Variants in NAV1 observed in about 807,000 individuals in gnomAD.
NAV1 encodes pore membrane and/or filament interacting like protein 3.
Under a neutral mutation model 175.2 loss-of-function variants are expected in NAV1, and 18 were observed. The ratio of observed to expected loss-of-function variants is 0.10; its 90% CI spans 0.07 to 0.15. NAV1 has a LOEUF of 0.15. NAV1 is among the 10% of genes least tolerant of loss of function. The probability of loss-of-function intolerance (pLI) is 1.00; values close to 1 mark genes in which losing one functional copy is unlikely to be tolerated. For missense variants in NAV1, 1,731 were observed against 2,436.6 expected, an observed-to-expected ratio of 0.71 and a Z score of 6.10; for synonymous variants, 897 against 978.7, an observed-to-expected ratio of 0.92 and a Z score of 1.56.
At chr1:201,612,486 A>G (rs1187219559) in intron 2 of NAV1, among the ~76,000 whole-genome samples, 2 of 152,142 alleles carry the variant, frequency 1.3e-5, no homozygotes, top group Non-Finnish European at 2.9e-5. Flanking sequence ...GAAACGTCAG[A>G]AATTTATTGC....
chr1:201,775,591 G>A (rs564359026), intron 3 of NAV1, among the ~76,000 whole-genome samples: 2 of 152,292 alleles, frequency 1.3e-5, no homozygotes, highest in East Asian at 3.9e-4. Context: ...AGTCCCGCCA[G>A]TACAAACAGA....
chr1:201,557,568 A>T (rs1666065742), intron 1 of NAV1, among the ~76,000 whole-genome samples: 1 of 151,862 alleles, frequency 6.6e-6, no homozygotes, highest in Non-Finnish European at 1.5e-5. Flanking sequence ...CTTAACTACC[A>T]CCTCCAAATT....
chr1:201,741,620 A>G (rs1207882478), intron 3 of NAV1, among the ~76,000 whole-genome samples: 2 of 152,194 alleles, frequency 1.3e-5, no homozygotes, highest in African/African-American at 4.8e-5. Context: ...TGCCACCCAA[A>G]CAATATTTGC....
rs114072109 is a variant in NAV1, at chr1:201,568,400, G to A, written c.-143-20139G>A. Among the ~76,000 whole-genome samples the A allele has an allele frequency of 5.4e-3, 825 of 152,250 alleles. 7 individuals carry two copies. The highest frequency in any genetic ancestry group is 0.019 in the African/African-American group (792 of 41,546). ...GCACTCCATTGCCACTGCCATCACC[G>A]CTTCCCGGGGCTGCGTCCTGAATTC... On this transcript the variant is annotated intron_variant, in intron 1 of 33. Transcript: ENST00000685211.
intron 2 of NAV1, among the ~76,000 whole-genome samples, chr1:201,609,087 G>A (rs1334784897): frequency 6.6e-6 from 1 of 152,238 alleles, no homozygotes; most frequent in Non-Finnish European, 1.5e-5. Context: ...AGTAACTCGG[G>A]AAGATGCTTA....
intron 3 of NAV1, among the ~76,000 whole-genome samples, chr1:201,754,074 C>T (rs900681293): frequency 6.6e-6 from 1 of 152,178 alleles, no homozygotes; most frequent in African/African-American, 2.4e-5. Flanking sequence ...TTTCCTGCCA[C>T]AGACCCTAAG....
At chr1:201,725,207 C>G (rs1297235939) in intron 3 of NAV1, among the ~76,000 whole-genome samples, 1 of 152,160 alleles carries the variant, frequency 6.6e-6, no homozygotes, top group African/African-American at 2.4e-5. Flanking sequence ...GAGAAGAGAC[C>G]CCTTTTGAAT....
At chr1:201,785,285 T>C (rs781705654) in intron 7 of NAV1, 25 bp from the exon 12 acceptor site, 2,838 of 473,042 alleles carry the variant, frequency 6.0e-3, no homozygotes, top group South Asian at 7.7e-3. Context: ...TCTCTCTCTT[T>C]TTTTTTTTTT....
At chr1:201,691,047 C>T (rs887829901) in intron 1 of NAV1, among the ~76,000 whole-genome samples, 3 of 152,180 alleles carry the variant, frequency 2.0e-5, no homozygotes, top group Non-Finnish European at 2.9e-5. Context: ...TTAATGTTAA[C>T]GGTTCAGCAC....
In NAV1 at chr1:201,810,599, C is replaced by T. The variant is rs1259653025; in HGVS notation, c.4638C>T (p.Ser1546=). 4.3e-6 allele frequency: 7 copies of T among 1,614,096 alleles called. No individual in the cohort carries two copies. Among genetic ancestry groups the T allele is most frequent in the Admixed American group, 3.3e-5 (2 of 60,016 alleles). The change falls in exon 24 of 30, where the codon AGC becomes AGT. Residue 1546 remains serine, a synonymous_variant. Transcript: ENST00000367296. This position sits in a 1 kb window ranked among gnomAD's most constrained non-coding sequence, Gnocchi z 6.0. Reference sequence around the variant, plus strand: ...AGCCGATGATGCAGCACTACATAAGCCTCCTGCTGAAGCACCGGCGCCTCG... The same window carrying T: ...AGCCGATGATGCAGCACTACATAAGTCTCCTGCTGAAGCACCGGCGCCTCG...
chr1:201,808,461 A>G lies in NAV1; in HGVS notation c.3889A>G (p.Asn1297Asp). 1 of 1,614,144 alleles carries G rather than the reference A, an allele frequency of 6.2e-7. No homozygotes were observed. Among genetic ancestry groups the G allele is most frequent in the Non-Finnish European group, 8.5e-7 (1 of 1,179,992 alleles). Residue 1297 changes from asparagine (N) to aspartate (D), a missense_variant, in exon 19 of 30, where the codon AAT becomes GAT. By Grantham distance (23) the Asn-to-Asp change is conservative. This residue lies in a region of NAV1 where 146 missense variants were observed against 176.8 expected (regional missense o/e 0.83). Coordinates refer to ENST00000367296, the Ensembl canonical transcript of NAV1. This position sits in a 1 kb window ranked among gnomAD's most constrained non-coding sequence, Gnocchi z 5.5. ...CCCCCACACTAGGCTGTTCCATGCA[A>G]ATGAGGAGGAGGAGCCAGAGAAGAA...
chr1:201,606,729 C>T (rs1190001200), intron 2 of NAV1, among the ~76,000 whole-genome samples: 1 of 152,208 alleles, frequency 6.6e-6, no homozygotes, highest in Non-Finnish European at 1.5e-5. Context: ...CCCACACACA[C>T]ATTTTCTCCA....
At chr1:201,634,946 C>T (rs1668574587) in intron 2 of NAV1, among the ~76,000 whole-genome samples, 1 of 152,204 alleles carries the variant, frequency 6.6e-6, no homozygotes, top group African/African-American at 2.4e-5. Flanking sequence ...CCCAGCTTCC[C>T]TGTTTCTCGC....
At chr1:201,769,239 A>G (rs551326863) in intron 3 of NAV1, among the ~76,000 whole-genome samples, 8 of 152,328 alleles carry the variant, frequency 5.3e-5, no homozygotes, top group Non-Finnish European at 1.0e-4. Context: ...ATTTTGATCC[A>G]TAGACATTCT....
In NAV1 at chr1:201,588,522, T is replaced by TTA. The variant is rs1667099037; in HGVS notation, c.-143-16_-143-15insAT. ...GCCACCACACCCAGCTGATTAATTT[T>TTA]TTTTTTTTTTTTGTAGAGACAGAGT... On this transcript the variant is annotated splice_polypyrimidine_tract_variant and intron_variant, in intron 1 of 33. Coordinates refer to the NAV1 transcript ENST00000685211. Among the ~76,000 whole-genome samples the TTA allele has an allele frequency of 6.6e-6, 1 of 150,774 alleles. No homozygotes were observed.
intron 25 of NAV1, 36 bp from the exon 30 acceptor site, chr1:201,811,867 A>C (rs1374750897): frequency 1.2e-6 from 2 of 1,613,214 alleles, no homozygotes; most frequent in Non-Finnish European, 1.7e-6. Context: ...TGTGAAGGCA[A>C]GTCTAAGTGA....
chr1:201,693,988 G>A (rs1671074413), intron 1 of NAV1, among the ~76,000 whole-genome samples: 1 of 152,244 alleles, frequency 6.6e-6, no homozygotes, highest in Non-Finnish European at 1.5e-5. Flanking sequence ...CCTCCAGCCA[G>A]GGCTTGGTGC....
At chr1:201,824,613 G>C (rs548787087) in exon 30 of NAV1, 1 of 151,814 alleles carries the variant, frequency 6.6e-6, no homozygotes, top group African/African-American at 2.4e-5. Flanking sequence ...GCAGGGACAC[G>C]AAGACGGTTG....
intron 1 of NAV1, among the ~76,000 whole-genome samples, chr1:201,574,124 C>T (rs1258418462): frequency 1.3e-5 from 2 of 151,992 alleles, no homozygotes; most frequent in East Asian, 1.9e-4. Context: ...ATTTACTGAG[C>T]ACTCTTCAGT....
Sources: gnomAD v4.1 joint callset for allele counts (sites outside exome capture counted in the v4.1 genomes callset) on GRCh38, gnomAD v4.1.1 for gene constraint, gnomAD v4.1.1 regional missense constraint, Gnocchi (gnomAD v3.1) non-coding constraint, MANE v1.5 for transcripts, NCBI Gene and HGNC (gene_info 2026-07-23, HGNC 2026-07-21) for gene names.